Variants in PPP2R3A observed in about 807,000 individuals in gnomAD.
The protein encoded by PPP2R3A is protein phosphatase 2 regulatory subunit B''alpha.
PPP2R3A carries 80 observed loss-of-function variants against 106.9 expected under a neutral mutation model. The observed-to-expected ratio is 0.75, with a 90% CI of 0.62 to 0.90. PPP2R3A has a LOEUF of 0.90. Among genes scored for constraint, PPP2R3A ranks in the 40% least tolerant of loss-of-function variants. The pLI is 0.00. For synonymous variants in PPP2R3A, 483 were observed against 468.3 expected, an observed-to-expected ratio of 1.03 and a Z score of -0.41; for missense variants, 1,386 against 1,350.4, an observed-to-expected ratio of 1.03 and a Z score of -0.41.
At chr3:136,088,159 G>A (rs1175406220) in intron 9 of PPP2R3A, among the ~76,000 whole-genome samples, 2 of 152,146 alleles carry the variant, frequency 1.3e-5, no homozygotes, top group Non-Finnish European at 2.9e-5. Context: ...GGAACACTGG[G>A]TGATGATGAG....
chr3:136,123,241 A>G (rs1938065088), intron 13 of PPP2R3A, among the ~76,000 whole-genome samples: 1 of 152,208 alleles, frequency 6.6e-6, no homozygotes, highest in Non-Finnish European at 1.5e-5. Flanking sequence ...ATAAAACCAT[A>G]GTAATAATTA....
intron 13 of PPP2R3A, among the ~76,000 whole-genome samples, chr3:136,112,605 C>T (rs1937610558): frequency 6.6e-6 from 1 of 152,126 alleles, no homozygotes; most frequent in Non-Finnish European, 1.5e-5. Flanking sequence ...ACAGTAATTA[C>T]AAATCACTGC....
intron 10 of PPP2R3A, 100 bp from the exon 11 acceptor site, chr3:136,101,907 G>GTC: frequency 2.4e-6 from 3 of 1,228,956 alleles, no homozygotes; most frequent in Non-Finnish European, 3.4e-6. Flanking sequence ...AGCCTGAAGT[G>GTC]TATGTAATAT....
chr3:136,123,382 A>G (rs1258158267), intron 13 of PPP2R3A, among the ~76,000 whole-genome samples: 1 of 152,224 alleles, frequency 6.6e-6, no homozygotes, highest in Non-Finnish European at 1.5e-5. Flanking sequence ...TGGTGGGGCA[A>G]AATAAATGCA....
chr3:136,041,780 A>G lies in PPP2R3A; in HGVS notation c.2366+818A>G, dbSNP rs373013059. 1.3e-4 allele frequency among the ~76,000 whole-genome samples: 20 copies of G among 152,354 alleles called. No homozygotes were observed. The East Asian group carries it at 1.7e-3, about 13-fold the overall frequency. On this transcript the variant is annotated intron_variant, in intron 4 of 13. Coordinates refer to ENST00000264977, the MANE Select transcript of PPP2R3A (RefSeq NM_002718.5). The stretch of plus-strand genomic sequence containing the variant: ...CCAGTTAAGGAACTGAAGGACTAGT[A>G]TATTTATCAAGCTTTTCCTGGATTC...
chr3:136,128,681 A>G (rs1938280423), intron 13 of PPP2R3A, among the ~76,000 whole-genome samples: 2 of 152,232 alleles, frequency 1.3e-5, no homozygotes, highest in East Asian at 1.9e-4. Flanking sequence ...ATAGACATCT[A>G]CAGAACTCTC....
At chr3:136,104,997 A>G (rs1202249678) in intron 12 of PPP2R3A, among the ~76,000 whole-genome samples, 1 of 152,230 alleles carries the variant, frequency 6.6e-6, no homozygotes, top group Non-Finnish European at 1.5e-5. Context: ...TCTACAAAGA[A>G]CATTATTAGT....
chr3:136,137,948 GTGAGAAGTATGAAGCCCAACTC>G (rs1938692699), intron 13 of PPP2R3A, among the ~76,000 whole-genome samples: 1 of 152,140 alleles, frequency 6.6e-6, no homozygotes, highest in South Asian at 2.1e-4. Context: ...AATGTAACTA[GTGAGAAGTATGAAGCCCAACTC>G]TCCTCAGTGA....
At chr3:136,035,853 A>G (rs1935066909) in intron 3 of PPP2R3A, among the ~76,000 whole-genome samples, 1 of 152,174 alleles carries the variant, frequency 6.6e-6, no homozygotes, top group African/African-American at 2.4e-5. Flanking sequence ...TTCCTCAGGA[A>G]CACCAATCAA....
At position 136,146,125 on chromosome 3, in the gene PPP2R3A, A is replaced by T. The variant is rs1576347268; in HGVS notation, c.*959A>T. The T allele has an allele frequency of 6.6e-6, 1 of 152,324 alleles. No homozygotes were observed. Among genetic ancestry groups the T allele is most frequent in the East Asian group, 1.9e-4 (1 of 5,188 alleles). The allele number at this position is 152,324 out of a possible 1,614,324, so 9.4% of individuals were successfully genotyped here. Reference sequence around the variant, plus strand: ...TATTCTTTACTTCATGTTGAAAACAATTACTACAGATATTTCATCCACCTC... The same window carrying T: ...TATTCTTTACTTCATGTTGAAAACATTTACTACAGATATTTCATCCACCTC... On this transcript the variant is annotated 3_prime_UTR_variant, in exon 14 of 14. Transcript: ENST00000264977.
intron 5 of PPP2R3A, among the ~76,000 whole-genome samples, chr3:136,054,801 G>T (rs1935807524): frequency 6.6e-6 from 1 of 152,110 alleles, no homozygotes. Flanking sequence ...TTTTTGCCCT[G>T]ATGCCATTGG....
intron 5 of PPP2R3A, chr3:136,055,489 C>G: frequency 8.6e-7 from 1 of 1,164,536 alleles, no homozygotes; most frequent in Non-Finnish European, 1.3e-6. Flanking sequence ...ATACAGAGAC[C>G]AGTTTAGTTT....
At chr3:135,989,244 G>A (rs1180675163) in intron 1 of PPP2R3A, among the ~76,000 whole-genome samples, 1 of 152,116 alleles carries the variant, frequency 6.6e-6, no homozygotes, top group Non-Finnish European at 1.5e-5. Context: ...TGGAGACCCA[G>A]AGGACACATG....
At chr3:136,115,403 C>T (rs755685213) in intron 13 of PPP2R3A, among the ~76,000 whole-genome samples, 2 of 151,978 alleles carry the variant, frequency 1.3e-5, no homozygotes, top group African/African-American at 4.8e-5. Flanking sequence ...ATTAGTTTGA[C>T]GAACTGACAG....
intron 13 of PPP2R3A, among the ~76,000 whole-genome samples, chr3:136,125,469 G>T (rs7619852): frequency 0.082 from 12,427 of 152,248 alleles, 644 homozygotes; most frequent in African/African-American, 0.15. Context: ...AAATCACTCT[G>T]TAAAGCCAGT....
chr3:135,989,808 G>A lies in PPP2R3A; in HGVS notation c.-440-11251G>A, dbSNP rs1933077948. The stretch of plus-strand genomic sequence containing the variant: ...GTATACTATAGATTTTTATTTTCAG[G>A]GAAAGAAGTTTCTCTATATTAAGTG... On this transcript the variant is annotated intron_variant, in intron 1 of 13. Transcript: ENST00000264977. Among the ~76,000 whole-genome samples, 5 of 151,792 alleles carry A rather than the reference G, an allele frequency of 3.3e-5. No individual in the cohort carries two copies. The South Asian group carries it at 1.0e-3, about 31-fold the overall frequency.
At position 136,002,096 on chromosome 3, in the gene PPP2R3A, A is replaced by G. The variant is rs747623080; in HGVS notation, c.598A>G (p.Met200Val). 6.2e-7 allele frequency: 1 copy of G among 1,614,140 alleles called. No individual in the cohort carries two copies. Among genetic ancestry groups the G allele is most frequent in the Non-Finnish European group, 8.5e-7 (1 of 1,180,006 alleles). ...CTCACTGGATACGAACCTGACTTCC[A>G]TGTTTCTTCAAAACTTTTCTGAAGA... is the stretch of plus-strand genomic sequence containing the variant. ...RNSLDTNLTS[M>V]FLQNFSEEDL... is the part of the protein sequence containing the mutation. Residue 200 changes from methionine (M) to valine (V), a missense_variant, in exon 2 of 14, where the codon ATG becomes GTG. Coordinates refer to ENST00000264977, the MANE Select transcript of PPP2R3A (RefSeq NM_002718.5).
chr3:136,130,124 C>G (rs996781216), intron 13 of PPP2R3A, among the ~76,000 whole-genome samples: 4 of 152,176 alleles, frequency 2.6e-5, no homozygotes, highest in African/African-American at 9.7e-5. Context: ...GATGCCCTCT[C>G]TAACCACTCC....
intron 13 of PPP2R3A, among the ~76,000 whole-genome samples, chr3:136,120,699 T>G (rs1937964439): frequency 6.6e-6 from 1 of 151,976 alleles, no homozygotes; most frequent in African/African-American, 2.4e-5. Flanking sequence ...AGGTCTAATA[T>G]TCAGCATCTA....
Sources: allele counts gnomAD v4.1 joint callset (sites outside exome capture counted in the v4.1 genomes callset), GRCh38; gene constraint gnomAD v4.1.1; transcripts MANE v1.5; gene names NCBI Gene and HGNC (gene_info 2026-07-23, HGNC 2026-07-21).